Variants in C13orf46 observed in about 807,000 individuals in gnomAD.
C13orf46 encodes uncharacterized protein C13orf46.
chr13:113,940,093 T>C, the C13orf46 span, among the ~76,000 whole-genome samples: 989 of 152,358 alleles, frequency 6.5e-3, 11 homozygotes, highest in African/African-American at 0.022. Flanking sequence ...TGCCTGGCCC[T>C]GCCCATGCGG....
At chr13:113,961,951 C>A (rs1408187467) in intron 6 of C13orf46, among the ~76,000 whole-genome samples, 1 of 152,066 alleles carries the variant, frequency 6.6e-6, no homozygotes, top group Non-Finnish European at 1.5e-5. Context: ...ATGAAGTGTG[C>A]AGAGCTCTGC....
Position 113,955,227 on chromosome 13 carries a change from G to A in C13orf46, c.*1546C>T. 1 of 210,700 alleles carries A rather than the reference G, an allele frequency of 4.7e-6. No individual in the cohort carries two copies. The highest frequency in any genetic ancestry group is 9.5e-6 in the Non-Finnish European group (1 of 105,474). The allele number at this position is 210,700 out of a possible 1,614,324, so 13.1% of individuals were successfully genotyped here. On this transcript the variant is annotated 3_prime_UTR_variant, in exon 7 of 7. Transcript: ENST00000636427. ...GTGGAGACGAGGAGCATCCCGTGGA[G>A]ACGAGGAGCATCTGGCGGAGACGAG...
At chr13:113,964,281 TTAAAA>T (rs1281683925) in intron 6 of C13orf46, among the ~76,000 whole-genome samples, 3 of 152,232 alleles carry the variant, frequency 2.0e-5, no homozygotes, top group African/African-American at 7.2e-5. Flanking sequence ...TGTGTGTTGC[TTAAAA>T]TAAAACACTA....
At chr13:113,963,647 GCCCGTCCTCAGCCTT>G (rs2052610440) in intron 6 of C13orf46, among the ~76,000 whole-genome samples, 2 of 65,510 alleles carry the variant, frequency 3.1e-5, no homozygotes, top group South Asian at 5.3e-4. Context: ...CCTCAGCCTC[GCCCGTCCTCAGCCTT>G]GCCCCTGTCC....
the C13orf46 span, among the ~76,000 whole-genome samples, chr13:113,945,764 G>C: frequency 6.6e-6 from 1 of 152,168 alleles, no homozygotes. Context: ...AGCTCATTTT[G>C]TTCCTCCCTT....
chr13:113,960,990 T>C (rs1016365893), intron 6 of C13orf46, among the ~76,000 whole-genome samples: 3 of 152,268 alleles, frequency 2.0e-5, no homozygotes, highest in Admixed American at 1.3e-4. Flanking sequence ...AAAAGGGTTA[T>C]GGTTTTTACA....
chr13:113,945,086 C>T, the C13orf46 span, among the ~76,000 whole-genome samples: 1 of 152,124 alleles, frequency 6.6e-6, no homozygotes, highest in Non-Finnish European at 1.5e-5. Flanking sequence ...GTGACGGGCC[C>T]TCCAGGTGTG....
the C13orf46 span, among the ~76,000 whole-genome samples, chr13:113,945,605 G>GAAA: frequency 1.1e-5 from 1 of 93,708 alleles, no homozygotes; most frequent in Non-Finnish European, 2.2e-5. Context: ...AAGAAAGAAA[G>GAAA]AAGAAAGAAA....
the C13orf46 span, chr13:113,926,693 C>G: frequency 6.6e-6 from 1 of 152,204 alleles, no homozygotes; most frequent in African/African-American, 2.4e-5. Context: ...AGAGGTTGCA[C>G]AACGTCGTGA....
rs1186527665 is a variant in C13orf46 at position 113,956,044 on chromosome 13, A to T, written c.*729T>A. The T allele has an allele frequency of 6.2e-6, 1 of 160,508 alleles. No individual in the cohort carries two copies. Among genetic ancestry groups the T allele is most frequent in the African/African-American group, 2.5e-5 (1 of 40,334 alleles). The allele number at this position is 160,508 out of a possible 1,614,324, so 9.9% of individuals were successfully genotyped here. A position where few individuals can be genotyped will look rare whatever the true frequency, so the allele number is the denominator to read the frequency against. ...AGAGGAGGAGTAGGATCTGGCAGAG[A>T]GGAGTAGGATCTGGCGGAGAGGAGG... On this transcript the variant is annotated 3_prime_UTR_variant, in exon 7 of 7. Transcript: ENST00000636427.
chr13:113,972,989 C>T (rs2052724922), intron 1 of C13orf46, among the ~76,000 whole-genome samples: 2 of 152,178 alleles, frequency 1.3e-5, no homozygotes, highest in Admixed American at 1.3e-4. Context: ...GGAGTGCTCC[C>T]CACTTCCACC....
downstream of C13orf46, among the ~76,000 whole-genome samples, chr13:113,949,876 G>A (rs960772791): frequency 0.63 from 94,794 of 150,810 alleles, 30,103 homozygotes; most frequent in Non-Finnish European, 0.68. Flanking sequence ...AGGGACCTCA[G>A]TGCAACCATC....
At chr13:113,964,364 C>T (rs1275257032) in intron 6 of C13orf46, among the ~76,000 whole-genome samples, 9 of 152,082 alleles carry the variant, frequency 5.9e-5, no homozygotes, top group Non-Finnish European at 1.3e-4. Flanking sequence ...GGGCCTCGGG[C>T]CTCGGGGAGT....
At chr13:113,967,735 G>T (rs2052664235) in intron 4 of C13orf46, among the ~76,000 whole-genome samples, 1 of 152,166 alleles carries the variant, frequency 6.6e-6, no homozygotes, top group Non-Finnish European at 1.5e-5. Context: ...ATGGGGCAAT[G>T]CCCAGATCTT....
At chr13:113,945,680 A>AGGAAAG in the C13orf46 span, among the ~76,000 whole-genome samples, 1,099 of 91,766 alleles carry the variant, frequency 0.012, 10 homozygotes, top group Non-Finnish European at 0.016. Flanking sequence ...AAGGAAAGAA[A>AGGAAAG]AACAAACCAA....
At chr13:113,932,247 C>A in the C13orf46 span, among the ~76,000 whole-genome samples, 1 of 152,200 alleles carries the variant, frequency 6.6e-6, no homozygotes, top group African/African-American at 2.4e-5. Flanking sequence ...TGTGGACGTT[C>A]CCAGAACAGA....
the C13orf46 span, among the ~76,000 whole-genome samples, chr13:113,934,902 G>T: frequency 6.6e-6 from 1 of 152,244 alleles, no homozygotes; most frequent in Non-Finnish European, 1.5e-5. Flanking sequence ...AGTTCTAAAC[G>T]GGCTCTGGGA....
At position 113,955,734 on chromosome 13, in the gene C13orf46, G is replaced by T. The variant is rs1187073755; in HGVS notation, c.*1039C>A. 2 of 159,186 alleles carry T rather than the reference G, an allele frequency of 1.3e-5. No individual in the cohort carries two copies. Among genetic ancestry groups the T allele is most frequent in the African/African-American group, 2.5e-5 (1 of 39,284 alleles). 9.9% of individuals were successfully genotyped at this position (159,186 alleles called of 1,614,324 possible). On this transcript the variant is annotated 3_prime_UTR_variant, in exon 7 of 7. Transcript: ENST00000636427. The stretch of plus-strand genomic sequence containing the variant: ...AGGAGTAGTGTCTGGCAGAGACGAG[G>T]AGTAGTGTCTGGCAGAGAGGAGGAG...
rs1166355669 is a variant in C13orf46 at position 113,956,347 on chromosome 13, TATCTGGTGGAGAGGAGGAGC to T, written c.*406_*425del. On this transcript the variant is annotated 3_prime_UTR_variant, in exon 7 of 7. Coordinates refer to ENST00000636427, the MANE Select transcript of C13orf46 (RefSeq NM_001365455.2). ...AGTAGTATCTGGTGGAGAGGAGTAG[TATCTGGTGGAGAGGAGGAGC>T]ATCTGGTGGAGAGGAGGAGCATCTG... 6.9e-3 allele frequency: 822 copies of T among 119,352 alleles called. 4 individuals are homozygous for T. Among genetic ancestry groups the T allele is most frequent in the African/African-American group, 0.018 (418 of 22,880 alleles). The allele number at this position is 119,352 out of a possible 1,614,324, so 7.4% of individuals were successfully genotyped here.
Sources: allele counts gnomAD v4.1 joint callset (sites outside exome capture counted in the v4.1 genomes callset), GRCh38; gene constraint gnomAD v4.1.1; transcripts MANE v1.5; gene names NCBI Gene and HGNC (gene_info 2026-07-23, HGNC 2026-07-21).